The following AIFM3 variants were observed in gnomAD, a reference collection of about 807,000 sequenced individuals.
AIFM3 encodes the protein AIF family member 3.
AIFM3 carries 71 observed loss-of-function variants against 82.7 expected under a neutral mutation model. The ratio of observed to expected loss-of-function variants is 0.86; its 90% CI spans 0.71 to 1.05. The LOEUF (loss-of-function observed/expected upper bound fraction) is 1.05. Ranked by LOEUF, AIFM3 falls within the 50% of genes least tolerant of loss-of-function variation. AIFM3 has a pLI of 0.00. For missense variants in AIFM3, 748 were observed against 816.7 expected (o/e 0.92, Z 1.03); for synonymous variants, 337 against 329.1 (o/e 1.02, Z -0.26).
At chr22:20,980,515 G>A (rs1924029728) in intron 19 of AIFM3, 1 of 619,976 alleles carries the variant, frequency 1.6e-6, no homozygotes, top group African/African-American at 1.8e-5. Context: ...GGTGGGGGTG[G>A]TTCTAGGTTT....
chr22:20,977,120 G>A (rs536541322), intron 14 of AIFM3, 25 bp downstream of exon 14: 2 of 1,613,426 alleles, frequency 1.2e-6, no homozygotes, highest in South Asian at 1.1e-5. Flanking sequence ...GGGCAGGCAG[G>A]CACAAAGCAG....
At chr22:20,968,744 G>C (rs922013987) in intron 2 of AIFM3, among the ~76,000 whole-genome samples, 1 of 152,216 alleles carries the variant, frequency 6.6e-6, no homozygotes, top group Admixed American at 6.5e-5. Flanking sequence ...CTGAGGCTTA[G>C]AGAGACCTCA....
At position 20,979,302 on chromosome 22, in the gene AIFM3, G is replaced by C; in HGVS notation, c.1509G>C (p.Gln503His). The change falls in exon 17 of 21, where the codon CAG (glutamine) becomes CAC (histidine). Residue 503 changes from glutamine (Q) to histidine (H), a missense_variant. Physicochemically the swap from Gln to His is conservative, Grantham distance 24. Around this residue, in one of 5 missense-constraint regions of AIFM3, gnomAD observed 183 missense variants for 158.2 expected, o/e 1.16. Coordinates refer to ENST00000440238, the MANE Select transcript of AIFM3 (RefSeq NM_001386814.1). Reference sequence around the variant, plus strand: ...TGGCAGCCCAGAACATGTTGGCGCAGGAGGCGGAGATGAGCACTGTGCCCT... The same window carrying C: ...TGGCAGCCCAGAACATGTTGGCGCACGAGGCGGAGATGAGCACTGTGCCCT... ...GRVAAQNMLAQEAEMSTVPYL... is the reference protein window; with the variant it reads ...GRVAAQNMLAHEAEMSTVPYL... The C allele has an allele frequency of 6.4e-7, 1 of 1,560,404 alleles. No individual in the cohort carries two copies. The highest frequency in any genetic ancestry group is 8.7e-7 in the Non-Finnish European group (1 of 1,151,780).
chr22:20,970,266 T>C (rs1164036551), intron 2 of AIFM3, among the ~76,000 whole-genome samples: 1 of 152,162 alleles, frequency 6.6e-6, no homozygotes, highest in African/African-American at 2.4e-5. Context: ...ACCAACGAGG[T>C]AGGCATTTGC....
Position 20,973,516 on chromosome 22 carries a change from G to A in AIFM3, c.241G>A (p.Gly81Ser), listed in dbSNP as rs1379862291. 1 of 1,611,278 alleles carries A rather than the reference G, an allele frequency of 6.2e-7. No individual in the cohort carries two copies. Among genetic ancestry groups the A allele is most frequent in the Admixed American group, 1.7e-5 (1 of 59,982 alleles). The change falls in exon 3 of 21, where the codon GGC becomes AGC. Residue 81 changes from glycine to serine, a missense_variant. Physicochemically the swap from Gly to Ser is moderately conservative, Grantham distance 56 (BLOSUM62 0). Around this residue, in one of 5 missense-constraint regions of AIFM3, gnomAD observed 148 missense variants for 134.1 expected, o/e 1.10. Coordinates refer to ENST00000440238, the MANE Select transcript of AIFM3 (RefSeq NM_001386814.1). ...AVCHVKDLEN[G>S]QMREVELGWG... ...CTGCCACGTCAAGGACCTCGAGAAT[G>A]GCCAGTGGGTTCTGGGCTTGCCTGG... is the stretch of plus-strand genomic sequence containing the variant.
Position 20,967,834 on chromosome 22 carries a change from C to A in AIFM3, c.-111C>A. ...TAGAGCAGCTCCAGCAGGATGGCGGCTCCAGCGTCTCTAAGGCCTGCAGGG... is the reference window on the plus strand; with the variant it reads ...TAGAGCAGCTCCAGCAGGATGGCGGATCCAGCGTCTCTAAGGCCTGCAGGG... On this transcript the variant is annotated 5_prime_UTR_variant, in exon 2 of 21. Transcript: ENST00000440238. The A allele has an allele frequency of 8.3e-7, 1 of 1,212,078 alleles. No individual in the cohort carries two copies. The highest frequency in any genetic ancestry group is 1.2e-6 in the Non-Finnish European group (1 of 822,812). 75.1% of individuals were successfully genotyped at this position (1,212,078 alleles called of 1,614,324 possible). A position where few individuals can be genotyped will look rare whatever the true frequency, so the allele number is the denominator to read the frequency against.
rs566535755 is a variant in AIFM3, at chr22:20,967,696, C to G, written c.-140-109C>G. 10 of 579,940 alleles carry G rather than the reference C, an allele frequency of 1.7e-5. No individual in the cohort carries two copies. In the South Asian group the frequency reaches 2.1e-4, roughly 12 times the overall value. The allele number at this position is 579,940 out of a possible 1,614,324, so 35.9% of individuals were successfully genotyped here. On this transcript the variant is annotated intron_variant, in intron 1 of 20. Transcript: ENST00000440238. ...TGGGATCAGGCTCACGCCATGGTTC[C>G]CAGCTCAAATGTAAGACTCTTTCCG... is the stretch of plus-strand genomic sequence containing the variant.
intron 2 of AIFM3, among the ~76,000 whole-genome samples, chr22:20,969,436 AT>A (rs565306730): frequency 1.7e-3 from 257 of 147,014 alleles, no homozygotes; most frequent in African/African-American, 4.5e-3. Context: ...CACTTGCGGA[AT>A]TTTTTTTTTT....
rs1480207543 is a variant in AIFM3 at position 20,974,826 on chromosome 22, G to A, written c.720+10G>A. 1.9e-6 allele frequency: 3 copies of A among 1,611,310 alleles called. No individual in the cohort carries two copies. Among genetic ancestry groups the A allele is most frequent in the Non-Finnish European group, 2.5e-6 (3 of 1,179,332 alleles). Reference sequence around the variant, plus strand: ...TCCCAAGCTCAGCAAGGTACAGGGGGTGGGGCAAGTAGGGACCCTATCCCT... The same window carrying A: ...TCCCAAGCTCAGCAAGGTACAGGGGATGGGGCAAGTAGGGACCCTATCCCT... On this transcript the variant is annotated intron_variant, in intron 8 of 20. Transcript: ENST00000440238.
rs1240143450 is a variant in AIFM3, at chr22:20,973,305, A to C, written c.32-2A>C. Reference sequence around the variant, plus strand: ...GGGCTCAAGGCGCTGCCTTGCCCACAGTGGAGCTCAAGATCGAGGTGGTGC... The same window carrying C: ...GGGCTCAAGGCGCTGCCTTGCCCACCGTGGAGCTCAAGATCGAGGTGGTGC... On this transcript the variant is annotated splice_acceptor_variant, in intron 2 of 20. Coordinates refer to ENST00000440238, the MANE Select transcript of AIFM3 (RefSeq NM_001386814.1). LOFTEE classifies it high-confidence loss of function. 2.5e-6 allele frequency: 4 copies of C among 1,576,642 alleles called. No individual in the cohort carries two copies. The highest frequency in any genetic ancestry group is 2.3e-5 in the East Asian group (1 of 42,702).
In AIFM3 at chr22:20,973,295, C is replaced by G. The variant is rs769188498; in HGVS notation, c.32-12C>G. On this transcript the variant is annotated splice_polypyrimidine_tract_variant and intron_variant, in intron 2 of 20. Transcript: ENST00000440238. ...CTGAGGTGGGGGGCTCAAGGCGCTG[C>G]CTTGCCCACAGTGGAGCTCAAGATC... 1 of 1,566,798 alleles carries G rather than the reference C, an allele frequency of 6.4e-7. No homozygotes were observed. The highest frequency in any genetic ancestry group is 1.7e-4 in the Middle Eastern group (1 of 5,838).
intron 16 of AIFM3, 149 bp downstream of exon 16, chr22:20,978,154 G>A (rs739524): frequency 0.51 from 380,426 of 745,958 alleles, 98,740 homozygotes; most frequent in South Asian, 0.55. Context: ...GCCTCATCTC[G>A]GCGATCCAGC....
chr22:20,966,131 C>T (rs1037141019), upstream of AIFM3, among the ~76,000 whole-genome samples: 3 of 152,168 alleles, frequency 2.0e-5, no homozygotes, highest in Admixed American at 6.5e-5. Flanking sequence ...CCTGGGTACT[C>T]GGGAAGGGAC....
intron 18 of AIFM3, 72 bp from the exon 19 acceptor site, chr22:20,979,948 G>T: frequency 7.1e-7 from 1 of 1,414,942 alleles, no homozygotes. Context: ...CAGATGGACA[G>T]CAGTGCATCA....
chr22:20,980,998 C>T lies in AIFM3; in HGVS notation c.1785C>T (p.Gly595=), dbSNP rs375943087. The T allele has an allele frequency of 3.7e-6, 6 of 1,614,156 alleles. No homozygotes were observed. Among genetic ancestry groups the T allele is most frequent in the South Asian group, 3.3e-5 (3 of 91,088 alleles). ...CCTCCCCTCACTCCTGCAGGACTGG[C>T]GACATGTCCTGGCTTACGGGGAAAG... ...VELFVLHSKT[G]DMSWLTGKGS Residue 595 remains glycine, a synonymous_variant, in exon 21 of 21, where the codon GGC becomes GGT. Coordinates refer to ENST00000440238, the MANE Select transcript of AIFM3 (RefSeq NM_001386814.1).
intron 16 of AIFM3, among the ~76,000 whole-genome samples, chr22:20,978,751 C>T (rs1303634894): frequency 6.6e-6 from 1 of 152,016 alleles, no homozygotes; most frequent in Non-Finnish European, 1.5e-5. Context: ...GTAACCAAGG[C>T]AACTTATCAG....
chr22:20,969,241 C>T (rs1221516269), intron 2 of AIFM3, among the ~76,000 whole-genome samples: 2 of 152,162 alleles, frequency 1.3e-5, no homozygotes, highest in Non-Finnish European at 2.9e-5. Flanking sequence ...ACCCGTGGCC[C>T]CAGGACTTCC....
chr22:20,966,309 G>A (rs1211642566), upstream of AIFM3, among the ~76,000 whole-genome samples: 1 of 152,232 alleles, frequency 6.6e-6, no homozygotes, highest in East Asian at 1.9e-4. Context: ...GGAAGGGGCA[G>A]GTGGGGCAGG....
rs1923701346 is a variant in AIFM3 at position 20,976,729 on chromosome 22, G to C, written c.1109G>C (p.Arg370Thr). 7 of 1,610,136 alleles carry C rather than the reference G, an allele frequency of 4.3e-6. No individual in the cohort carries two copies. In the East Asian group the frequency reaches 1.6e-4, roughly 36 times the overall value. Residue 370 changes from arginine to threonine, a missense_variant, in exon 12 of 21, where the codon AGG becomes ACG. Coordinates refer to ENST00000440238, the MANE Select transcript of AIFM3 (RefSeq NM_001386814.1). ...GAGCTGGAGGAGACGCCCTTCAGGA[G>C]GTTCCTGGGGGAGCGCGTGGGTCGT... ...VVELEETPFR[R>T]FLGERVGRAL...
Sources: gnomAD v4.1 joint callset for allele counts (sites outside exome capture counted in the v4.1 genomes callset) on GRCh38, gnomAD v4.1.1 for gene constraint, gnomAD v4.1.1 regional missense constraint, MANE v1.5 for transcripts, NCBI Gene and HGNC (gene_info 2026-07-23, HGNC 2026-07-21) for gene names.